GOLT1B: variants seen among roughly 807,000 people sequenced by gnomAD.
GOLT1B encodes the protein vesicle transport protein GOT1B.
In GOLT1B, 3 loss-of-function variants were observed where a neutral mutation model predicts 15.4. That is an observed-to-expected ratio of 0.19 (90% CI 0.09 to 0.50). GOLT1B has a LOEUF of 0.50. Among genes scored for constraint, GOLT1B ranks in the 20% least tolerant of loss-of-function variants. GOLT1B has a pLI of 0.97. For synonymous variants in GOLT1B, 65 were observed against 56.2 expected (o/e 1.16, Z -0.70); for missense variants, 145 against 160.4 (o/e 0.90, Z 0.52).
chr12:21,512,994 G>C (rs1292696295), intron 4 of GOLT1B, among the ~76,000 whole-genome samples: 1 of 150,978 alleles, frequency 6.6e-6, no homozygotes, highest in East Asian at 2.0e-4. Context: ...TTGGGCCTAG[G>C]GGGTCAAGGC....
chr12:21,513,324 A>T (rs1943733542), intron 4 of GOLT1B, among the ~76,000 whole-genome samples: 1 of 152,060 alleles, frequency 6.6e-6, no homozygotes, highest in Non-Finnish European at 1.5e-5. Flanking sequence ...TTTCGTACTA[A>T]ACTGCTACCT....
At chr12:21,507,516 GTGTGTGTGTGTGTATATA>G (rs927763842) in intron 2 of GOLT1B, among the ~76,000 whole-genome samples, 18 of 148,618 alleles carry the variant, frequency 1.2e-4, no homozygotes, top group African/African-American at 4.4e-4. Flanking sequence ...GACACTGTAT[GTGTGTGTGTGTGTATATA>G]TATATATACA....
chr12:21,507,931 C>T (rs1337049874), intron 2 of GOLT1B: 1 of 454,216 alleles, frequency 2.2e-6, no homozygotes, highest in African/African-American at 2.0e-5. Context: ...GTCAATATTT[C>T]TCCCATCCAT....
In GOLT1B at chr12:21,508,889, G is replaced by GTAGGTAGATAGA. The variant is rs71962761; in HGVS notation, c.296+331_296+332insGTAGATAGATAG. Among the ~76,000 whole-genome samples the GTAGGTAGATAGA allele has an allele frequency of 1.3e-3, 82 of 65,380 alleles. No homozygotes were observed. The South Asian group carries it at 0.025, about 20-fold the overall frequency. 42.9% of individuals were successfully genotyped at this position (65,380 alleles called of 152,430 possible). ...GATCGATCAATCGGTAGGTAGGTAG[G>GTAGGTAGATAGA]TAGATAGATAGATAGATAGATAGAT... On this transcript the variant is annotated intron_variant, in intron 3 of 4. Coordinates refer to ENST00000229314, the MANE Select transcript of GOLT1B (RefSeq NM_016072.5).
intron 3 of GOLT1B, among the ~76,000 whole-genome samples, chr12:21,510,861 A>G (rs1371401827): frequency 1.3e-5 from 2 of 152,218 alleles, no homozygotes; most frequent in Admixed American, 6.5e-5. Context: ...TATTCATTGT[A>G]GTATTTTCAT....
At chr12:21,514,815 T>C (rs1244494106) in intron 4 of GOLT1B, among the ~76,000 whole-genome samples, 1 of 152,140 alleles carries the variant, frequency 6.6e-6, no homozygotes, top group Admixed American at 6.5e-5. Flanking sequence ...TACAATAGAA[T>C]ATGTTTCTTA....
In GOLT1B at chr12:21,515,962, C is replaced by T; in HGVS notation, c.*255C>T. 1 of 364,558 alleles carries T rather than the reference C, an allele frequency of 2.7e-6. No homozygotes were observed. Among genetic ancestry groups the T allele is most frequent in the Non-Finnish European group, 4.9e-6 (1 of 205,494 alleles). The allele number at this position is 364,558 out of a possible 1,614,324, so 22.6% of individuals were successfully genotyped here. ...ATCCATGTTAATGATGCTTAAGAAA[C>T]TCTTGAAGGCTATTTGTGTTGTTTT... On this transcript the variant is annotated 3_prime_UTR_variant, in exon 5 of 5. Transcript: ENST00000229314.
At chr12:21,507,846 A>C (rs910504840) in intron 2 of GOLT1B, 2 of 407,240 alleles carry the variant, frequency 4.9e-6, no homozygotes, top group Non-Finnish European at 9.7e-6. Context: ...TTCTGCTGCC[A>C]CCAGATATTC....
intron 1 of GOLT1B, among the ~76,000 whole-genome samples, chr12:21,504,240 A>G (rs761842664): frequency 2.0e-5 from 3 of 152,098 alleles, no homozygotes; most frequent in Non-Finnish European, 4.4e-5. Flanking sequence ...GTGAAGGAAG[A>G]TAAGTTTGTT....
At chr12:21,515,413 T>A (rs1591764339) in intron 4 of GOLT1B, 1 of 582,836 alleles carries the variant, frequency 1.7e-6, no homozygotes, top group East Asian at 2.9e-5. Context: ...GTGTTGCATT[T>A]TTCATGTTGC....
chr12:21,504,452 A>T, intron 1 of GOLT1B: 1 of 439,176 alleles, frequency 2.3e-6, no homozygotes, highest in Non-Finnish European at 4.7e-6. Flanking sequence ...TGTGGCAAAG[A>T]TGTTTTGGGC....
At chr12:21,512,976 G>A (rs1399765262) in intron 4 of GOLT1B, among the ~76,000 whole-genome samples, 1 of 151,730 alleles carries the variant, frequency 6.6e-6, no homozygotes, top group Non-Finnish European at 1.5e-5. Context: ...TGAGGTGAGA[G>A]GATTGGCTTG....
chr12:21,511,319 G>T (rs1943717798), intron 3 of GOLT1B, among the ~76,000 whole-genome samples: 1 of 152,128 alleles, frequency 6.6e-6, no homozygotes, highest in Non-Finnish European at 1.5e-5. Flanking sequence ...AAGGGGGGAG[G>T]GTCGCAGATC....
intron 3 of GOLT1B, among the ~76,000 whole-genome samples, chr12:21,511,504 G>T (rs1260751197): frequency 6.6e-6 from 1 of 152,158 alleles, no homozygotes; most frequent in Non-Finnish European, 1.5e-5. Context: ...CTTCGTGGAG[G>T]TTAGGAGGTA....
At chr12:21,512,136 C>T (rs530332709) in intron 3 of GOLT1B, among the ~76,000 whole-genome samples, 159 bp from the exon 4 acceptor site, 1 of 152,300 alleles carries the variant, frequency 6.6e-6, no homozygotes, top group East Asian at 1.9e-4. Flanking sequence ...TTTTTACCAA[C>T]AATCACAAAA....
intron 2 of GOLT1B, chr12:21,507,851 A>G (rs982089295): frequency 1.7e-5 from 7 of 415,748 alleles, no homozygotes; most frequent in African/African-American, 1.3e-4. Context: ...CTGCCACCAG[A>G]TATTCTAGAA....
At chr12:21,513,070 C>CAA (rs58392364) in intron 4 of GOLT1B, among the ~76,000 whole-genome samples, 66 of 110,394 alleles carry the variant, frequency 6.0e-4, no homozygotes, top group African/African-American at 2.2e-3. Context: ...GACCCTGTCT[C>CAA]AAAAAAAAAA....
At chr12:21,513,616 CCT>C (rs1943735836) in intron 4 of GOLT1B, among the ~76,000 whole-genome samples, 1 of 151,716 alleles carries the variant, frequency 6.6e-6, no homozygotes, top group Non-Finnish European at 1.5e-5. Context: ...CCCAGCCTTA[CCT>C]CTCATTTAAT....
chr12:21,505,126 T>C (rs771165687), intron 1 of GOLT1B, among the ~76,000 whole-genome samples: 37 of 152,162 alleles, frequency 2.4e-4, no homozygotes, highest in Non-Finnish European at 4.1e-4. Context: ...TCCAGTAGTA[T>C]TGGAAGTATT....
Sources: allele counts gnomAD v4.1 joint callset (sites outside exome capture counted in the v4.1 genomes callset), GRCh38; gene constraint gnomAD v4.1.1; transcripts MANE v1.5; gene names NCBI Gene and HGNC (gene_info 2026-07-23, HGNC 2026-07-21).